Variants in PCDH19 observed in about 807,000 individuals in gnomAD.
PCDH19 encodes protocadherin 19.
In PCDH19, 6 loss-of-function variants were observed where a neutral mutation model predicts 46.2. That is an observed-to-expected ratio of 0.13 (90% confidence interval 0.07 to 0.26). The LOEUF is 0.26. PCDH19 is among the 10% of genes least tolerant of loss of function. The probability of loss-of-function intolerance (pLI) is 1.00; values close to 1 mark genes in which losing one functional copy is unlikely to be tolerated. For synonymous variants in PCDH19, 481 were observed against 415.7 expected, an observed-to-expected ratio of 1.16 and a Z score of -1.91; for missense variants, 740 against 972.3, an observed-to-expected ratio of 0.76 and a Z score of 3.18.
intron 5 of PCDH19, among the ~76,000 whole-genome samples, chrX:100,332,957 G>A (rs1025646199): frequency 1.9e-5 from 2 of 106,829 alleles, no homozygotes; most frequent in South Asian, 4.2e-4. Context: ...AGCTGTGATC[G>A]CACCACTGCA....
intron 3 of PCDH19, among the ~76,000 whole-genome samples, chrX:100,393,497 T>TACACACACACACACACAC (rs57070852): frequency 2.4e-4 from 22 of 90,068 alleles, no homozygotes; most frequent in South Asian, 1.4e-3. Context: ...CATACATACA[T>TACACACACACACACACAC]ACACACACAC....
chrX:100,350,556 A>C (rs1319680007), intron 4 of PCDH19, 90 bp downstream of exon 4: 2 of 646,731 alleles, frequency 3.1e-6, no homozygotes, highest in South Asian at 2.5e-5. Flanking sequence ...AAAATCCCCC[A>C]AAAAAATACG....
intron 3 of PCDH19, among the ~76,000 whole-genome samples, chrX:100,369,320 T>C (rs1044731016): frequency 1.8e-5 from 2 of 111,420 alleles, no homozygotes; most frequent in Non-Finnish European, 3.8e-5. Context: ...TCAGTCCATC[T>C]TTTCTAGGAA....
At chrX:100,372,442 A>C (rs1430428516) in intron 3 of PCDH19, among the ~76,000 whole-genome samples, 1 of 111,953 alleles carries the variant, frequency 8.9e-6, no homozygotes, top group African/African-American at 3.2e-5. Flanking sequence ...AGGGCAACTG[A>C]AAGTAAAATA....
intron 3 of PCDH19, among the ~76,000 whole-genome samples, chrX:100,380,278 C>T (rs1927512730): frequency 8.9e-6 from 1 of 111,733 alleles, no homozygotes; most frequent in South Asian, 3.8e-4. Flanking sequence ...CTGTCCCCCA[C>T]CTTTTTGCCT....
chrX:100,302,994 C>A (rs1449239168), intron 5 of PCDH19, among the ~76,000 whole-genome samples: 1 of 111,525 alleles, frequency 9.0e-6, no homozygotes, highest in Non-Finnish European at 1.9e-5. Context: ...CTACAGAAAC[C>A]TACAAAGTAA....
chrX:100,303,636 C>T (rs768093273), intron 5 of PCDH19, among the ~76,000 whole-genome samples: 10 of 111,944 alleles, frequency 8.9e-5, no homozygotes, highest in African/African-American at 3.2e-4. Flanking sequence ...CACTCATGAA[C>T]CAATGATACC....
At chrX:100,345,492 T>C (rs1241508677) in intron 4 of PCDH19, among the ~76,000 whole-genome samples, 1 of 111,799 alleles carries the variant, frequency 8.9e-6, no homozygotes. Context: ...AACATAAATG[T>C]AATGTTTAAT....
chrX:100,348,577 T>TA (rs925838950), intron 4 of PCDH19, among the ~76,000 whole-genome samples: 8 of 111,152 alleles, frequency 7.2e-5, no homozygotes, highest in East Asian at 2.8e-4. Context: ...TGGTTTTATT[T>TA]AAAAAAAAGA....
intron 5 of PCDH19, among the ~76,000 whole-genome samples, chrX:100,340,219 A>G (rs1454136726): frequency 8.9e-6 from 1 of 112,103 alleles, no homozygotes; most frequent in African/African-American, 3.2e-5. Context: ...ATACACACAC[A>G]CATATATATG....
At chrX:100,328,189 A>G (rs776340800) in intron 5 of PCDH19, among the ~76,000 whole-genome samples, 7 of 112,162 alleles carry the variant, frequency 6.2e-5, no homozygotes, top group Non-Finnish European at 1.3e-4. Flanking sequence ...GTAATTTTTT[A>G]TTTTAAACAA....
In PCDH19 at chrX:100,403,627, T is replaced by C. The variant is rs1194085318; in HGVS notation, c.2185A>G (p.Ile729Val). The C allele has an allele frequency of 8.3e-7, 1 of 1,205,541 alleles. No homozygotes were observed. The highest frequency in any genetic ancestry group is 3.0e-5 in the East Asian group (1 of 33,756). Residue 729 changes from isoleucine to valine, a missense_variant, in exon 2 of 6, where the codon ATA becomes GTA. Ile to Val is a conservative substitution (Grantham distance 29). Around this residue, in one of 5 missense-constraint regions of PCDH19, gnomAD observed 416 missense variants for 476.8 expected, o/e 0.87. Coordinates refer to ENST00000373034, the MANE Select transcript of PCDH19 (RefSeq NM_001184880.2). ...AGACACTTGCTGTTTTGTCCTTTTA[T>C]AAAACAGCCGAGGAGACAAGTGATG... is the stretch of plus-strand genomic sequence containing the variant. ...LTITCLLGCF[I>V]KGQNSKCLHC...
intron 5 of PCDH19, among the ~76,000 whole-genome samples, chrX:100,297,092 T>C (rs1027506190): frequency 9.0e-6 from 1 of 110,911 alleles, no homozygotes; most frequent in Non-Finnish European, 1.9e-5. Context: ...TTCCCACTAC[T>C]GACAAAACAA....
intron 1 of PCDH19, among the ~76,000 whole-genome samples, chrX:100,405,558 T>TCCCCCCCCCC (rs1244771893): frequency 1.2e-5 from 1 of 80,970 alleles, no homozygotes; most frequent in Non-Finnish European, 2.3e-5. Context: ...CCTCTCTCTC[T>TCCCCCCCCCC]CCCTCCCCCC....
intron 1 of PCDH19, 76 bp downstream of exon 1, chrX:100,406,375 C>T (rs1210313103): frequency 1.2e-6 from 1 of 826,348 alleles, no homozygotes; most frequent in Non-Finnish European, 1.8e-6. Flanking sequence ...GAAACAAAAG[C>T]ACCAGGATTT....
intron 5 of PCDH19, among the ~76,000 whole-genome samples, chrX:100,321,059 C>T (rs1187984873): frequency 9.0e-6 from 1 of 110,996 alleles, no homozygotes; most frequent in Admixed American, 9.6e-5. Flanking sequence ...TCCTGAGTTA[C>T]TTCACTTAGA....
intron 3 of PCDH19, among the ~76,000 whole-genome samples, chrX:100,351,058 G>A (rs1036864248): frequency 2.7e-5 from 3 of 112,907 alleles, no homozygotes; most frequent in Middle Eastern, 4.2e-3. Context: ...CAAATTGACT[G>A]GAAGTTCAAA....
In PCDH19 at chrX:100,344,707, A is replaced by G. The variant is rs754733151; in HGVS notation, c.2676-2632T>C. Among the ~76,000 whole-genome samples the G allele has an allele frequency of 6.1e-5, 6 of 98,475 alleles. No homozygotes were observed. The South Asian group carries it at 2.7e-3, about 44-fold the overall frequency. 85.5% of individuals were successfully genotyped at this position (98,475 alleles called of 115,157 possible). On this transcript the variant is annotated intron_variant, in intron 4 of 5. Coordinates refer to ENST00000373034, the MANE Select transcript of PCDH19 (RefSeq NM_001184880.2). Reference sequence around the variant, plus strand: ...AACATATGATGGTGAGGGATCTAGTATGGGGGCAATGTAATTAACCAGCCC... The same window carrying G: ...AACATATGATGGTGAGGGATCTAGTGTGGGGGCAATGTAATTAACCAGCCC...
intron 5 of PCDH19, among the ~76,000 whole-genome samples, chrX:100,322,859 A>ATTT (rs1400588865): frequency 5.0e-4 from 22 of 43,676 alleles, no homozygotes; most frequent in Admixed American, 1.8e-3. Flanking sequence ...ATATATATAT[A>ATTT]TATATATTTT....
Sources: gnomAD v4.1 joint callset for allele counts (sites outside exome capture counted in the v4.1 genomes callset) on GRCh38, gnomAD v4.1.1 for gene constraint, gnomAD v4.1.1 regional missense constraint, MANE v1.5 for transcripts, NCBI Gene and HGNC (gene_info 2026-07-23, HGNC 2026-07-21) for gene names.